GSG1L: variants seen among roughly 807,000 people sequenced by gnomAD.
GSG1L encodes GSG1 like, also known as germ cell-specific gene 1-like protein.
GSG1L carries 24 observed loss-of-function variants against 42.1 expected under a neutral mutation model. The observed-to-expected ratio is 0.57, with a 90% CI of 0.41 to 0.80. The LOEUF is 0.80. Among genes scored for constraint, GSG1L ranks in the 30% least tolerant of loss-of-function variants. The pLI, the probability that GSG1L is intolerant of heterozygous loss-of-function variation, is 0.00. For synonymous variants in GSG1L, 215 were observed against 203.5 expected (o/e 1.06, Z -0.48); for missense variants, 445 against 472.2 (o/e 0.94, Z 0.53).
chr16:27,814,364 G>A (rs2083068747), intron 5 of GSG1L, among the ~76,000 whole-genome samples: 1 of 151,986 alleles, frequency 6.6e-6, no homozygotes, highest in African/African-American at 2.4e-5. Flanking sequence ...CTCCCACCTT[G>A]GCCTTCCAAA....
At chr16:27,816,145 A>C (rs2083090867) in intron 5 of GSG1L, among the ~76,000 whole-genome samples, 1 of 152,186 alleles carries the variant, frequency 6.6e-6, no homozygotes, top group Non-Finnish European at 1.5e-5. Context: ...CCCACCTCCC[A>C]GTTCCAGAGG....
At chr16:27,870,381 T>TTCTC (rs769634213) in intron 3 of GSG1L, among the ~76,000 whole-genome samples, 6 of 122,520 alleles carry the variant, frequency 4.9e-5, no homozygotes, top group Non-Finnish European at 8.9e-5. Flanking sequence ...CACTCTCTCT[T>TTCTC]TCTCTCTCTC....
chr16:27,904,961 A>C (rs913417136), intron 2 of GSG1L, among the ~76,000 whole-genome samples: 10 of 152,210 alleles, frequency 6.6e-5, no homozygotes, highest in South Asian at 4.1e-4. Context: ...CGGGGTTGCC[A>C]GATCTTCCAA....
At chr16:27,902,534 G>T (rs1203536006) in intron 2 of GSG1L, among the ~76,000 whole-genome samples, 1 of 151,966 alleles carries the variant, frequency 6.6e-6, no homozygotes, top group Non-Finnish European at 1.5e-5. Flanking sequence ...GAGACGGGAG[G>T]TTCGCCCAAG....
At chr16:28,015,958 C>A (rs553462727) in intron 1 of GSG1L, among the ~76,000 whole-genome samples, 1 of 152,248 alleles carries the variant, frequency 6.6e-6, no homozygotes, top group East Asian at 1.9e-4. Flanking sequence ...AAACAATAGG[C>A]CAGTGGCAAA....
intron 2 of GSG1L, among the ~76,000 whole-genome samples, chr16:27,930,579 T>G (rs1288277059): frequency 6.6e-6 from 1 of 152,194 alleles, no homozygotes; most frequent in Non-Finnish European, 1.5e-5. Flanking sequence ...TGTGCACTGA[T>G]GGAAGGAATG....
chr16:27,886,644 C>A (rs576835030), intron 2 of GSG1L, among the ~76,000 whole-genome samples: 1 of 152,114 alleles, frequency 6.6e-6, no homozygotes, highest in Non-Finnish European at 1.5e-5. Flanking sequence ...GGGCTCTTGA[C>A]GAGGTCAAGG....
At chr16:27,799,156 C>A (rs1056020632) in intron 6 of GSG1L, among the ~76,000 whole-genome samples, 12 of 151,726 alleles carry the variant, frequency 7.9e-5, no homozygotes, top group Non-Finnish European at 1.6e-4. Context: ...GTAATCCCAG[C>A]ACTTTGAAAG....
intron 3 of GSG1L, among the ~76,000 whole-genome samples, chr16:27,861,302 AGGAGAC>A (rs1238790523): frequency 1.3e-5 from 2 of 152,112 alleles, no homozygotes; most frequent in Non-Finnish European, 2.9e-5. Context: ...GTTTGAACCC[AGGAGAC>A]GGAGGTTGCA....
intron 1 of GSG1L, among the ~76,000 whole-genome samples, chr16:28,043,800 T>C (rs144251516): frequency 3.9e-5 from 6 of 152,180 alleles, no homozygotes; most frequent in Non-Finnish European, 5.9e-5. Flanking sequence ...AACAGGAGGA[T>C]TGCCTGAGCC....
chr16:28,029,224 G>C (rs1046192555), intron 1 of GSG1L, among the ~76,000 whole-genome samples: 4 of 152,190 alleles, frequency 2.6e-5, no homozygotes, highest in Non-Finnish European at 5.9e-5. Flanking sequence ...ATGAGAAAGT[G>C]CTGTGTAAAG....
At chr16:27,897,598 C>T (rs548136188) in intron 2 of GSG1L, among the ~76,000 whole-genome samples, 1 of 152,330 alleles carries the variant, frequency 6.6e-6, no homozygotes, top group East Asian at 1.9e-4. Flanking sequence ...CCATGCCCAG[C>T]CAACTTCCTT....
chr16:27,947,627 C>T (rs2141092282), intron 2 of GSG1L, among the ~76,000 whole-genome samples: 1 of 150,074 alleles, frequency 6.7e-6, no homozygotes, highest in South Asian at 2.1e-4. Flanking sequence ...GAAAAGTTCT[C>T]TGTGGGTTGT....
chr16:27,913,143 A>G (rs1298429077), intron 2 of GSG1L, among the ~76,000 whole-genome samples: 2 of 152,170 alleles, frequency 1.3e-5, no homozygotes, highest in Admixed American at 1.3e-4. Flanking sequence ...AATCTTAAGA[A>G]CATAATGTAA....
intron 6 of GSG1L, among the ~76,000 whole-genome samples, chr16:27,795,226 G>C (rs2082805034): frequency 6.6e-6 from 1 of 152,058 alleles, no homozygotes; most frequent in Non-Finnish European, 1.5e-5. Context: ...AGGAAGGGGA[G>C]AGAGTGATTC....
chr16:27,851,170 C>T (rs2083510169), intron 3 of GSG1L, among the ~76,000 whole-genome samples: 2 of 152,094 alleles, frequency 1.3e-5, no homozygotes, highest in South Asian at 2.1e-4. Flanking sequence ...AGGAAGACAG[C>T]GTCTGAGCGA....
intron 5 of GSG1L, among the ~76,000 whole-genome samples, chr16:27,808,432 T>TG (rs1439141697): frequency 2.0e-5 from 3 of 151,308 alleles, no homozygotes; most frequent in Non-Finnish European, 4.4e-5. Flanking sequence ...TTTTTTTTTT[T>TG]TTTTGACATG....
At chr16:27,903,937 C>T (rs1235938704) in intron 2 of GSG1L, among the ~76,000 whole-genome samples, 1 of 152,152 alleles carries the variant, frequency 6.6e-6, no homozygotes. Flanking sequence ...CTGTCTTCTG[C>T]CCCCTTTCCC....
intron 2 of GSG1L, among the ~76,000 whole-genome samples, chr16:27,926,990 C>T (rs1044708098): frequency 6.6e-6 from 1 of 152,172 alleles, no homozygotes; most frequent in African/African-American, 2.4e-5. Context: ...AGAAGCCAAG[C>T]CCTTGACCTC....
Sources: gnomAD v4.1 joint callset for allele counts (sites outside exome capture counted in the v4.1 genomes callset) on GRCh38, gnomAD v4.1.1 for gene constraint, MANE v1.5 for transcripts, NCBI Gene and HGNC (gene_info 2026-07-23, HGNC 2026-07-21) for gene names.